ARHGEF6: variants seen among roughly 807,000 people sequenced by gnomAD.
ARHGEF6 encodes rho guanine nucleotide exchange factor 6.
A neutral mutation model predicts 70.3 loss-of-function variants in ARHGEF6; 9 were observed. That is an observed-to-expected ratio of 0.13 (90% CI 0.08 to 0.22). ARHGEF6 has a LOEUF of 0.22. ARHGEF6 is among the 10% of genes least tolerant of loss of function. The pLI is 1.00. For synonymous variants in ARHGEF6, 201 were observed against 207.8 expected, an observed-to-expected ratio of 0.97 and a Z score of 0.28; for missense variants, 470 against 563.0, an observed-to-expected ratio of 0.83 and a Z score of 1.67.
chrX:136,742,058 C>T (rs924738974), intron 5 of ARHGEF6, among the ~76,000 whole-genome samples: 6 of 111,906 alleles, frequency 5.4e-5, no homozygotes, highest in African/African-American at 1.3e-4. Context: ...CAGTGGCTCA[C>T]GCCTGTAATC....
intron 2 of ARHGEF6, 42 bp downstream of exon 2, chrX:136,779,372 A>C: frequency 8.8e-7 from 1 of 1,132,778 alleles, no homozygotes. Flanking sequence ...TAGCAGAGCA[A>C]AAAAACGATG....
intron 18 of ARHGEF6, among the ~76,000 whole-genome samples, chrX:136,675,800 A>T (rs770587618): frequency 9.0e-6 from 1 of 111,048 alleles, no homozygotes; most frequent in Non-Finnish European, 1.9e-5. Context: ...GATTACAGGC[A>T]TGAGCCACCG....
At chrX:136,771,552 T>C (rs189060364) in intron 2 of ARHGEF6, among the ~76,000 whole-genome samples, 1 of 112,403 alleles carries the variant, frequency 8.9e-6, no homozygotes, top group African/African-American at 3.2e-5. Context: ...TTTGGACCCG[T>C]ACCTCCTACC....
chrX:136,764,454 T>C (rs771690661), intron 2 of ARHGEF6, among the ~76,000 whole-genome samples: 23 of 112,235 alleles, frequency 2.0e-4, no homozygotes, highest in African/African-American at 7.4e-4. Context: ...AGAAAAAAAG[T>C]GAACCACTAC....
intron 12 of ARHGEF6, among the ~76,000 whole-genome samples, chrX:136,685,012 C>T (rs2076370263): frequency 8.9e-6 from 1 of 111,873 alleles, no homozygotes; most frequent in Non-Finnish European, 1.9e-5. Flanking sequence ...ACTACTCTTG[C>T]CTGATGTCAA....
chrX:136,676,738 T>TAATGAATTAA, intron 17 of ARHGEF6, 21 bp from the exon 18 acceptor site: 1 of 1,088,174 alleles, frequency 9.2e-7, no homozygotes, highest in Middle Eastern at 2.5e-4. Context: ...AGAGGTTTCT[T>TAATGAATTAA]AATGAATTAA....
intron 2 of ARHGEF6, among the ~76,000 whole-genome samples, chrX:136,748,849 G>A (rs1288743868): frequency 2.7e-5 from 3 of 111,588 alleles, no homozygotes; most frequent in Non-Finnish European, 5.7e-5. Context: ...TATCTTTTTT[G>A]TACATGTTCT....
chrX:136,780,582 G>A (rs2077439684), intron 1 of ARHGEF6, 136 bp downstream of exon 1: 2 of 641,801 alleles, frequency 3.1e-6, no homozygotes, highest in Non-Finnish European at 2.5e-6. Flanking sequence ...AAAACAGTAA[G>A]AAAGAATGTC....
chrX:136,767,582 G>A lies in ARHGEF6; in HGVS notation c.249+11832C>T. 3 of 754,715 alleles carry A rather than the reference G, an allele frequency of 4.0e-6. No homozygotes were observed. The South Asian group carries it at 2.0e-4, about 51-fold the overall frequency. The allele number at this position is 754,715 out of a possible 1,213,427, so 62.2% of individuals were successfully genotyped here. On this transcript the variant is annotated intron_variant, in intron 2 of 21. Coordinates refer to ENST00000250617, the MANE Select transcript of ARHGEF6 (RefSeq NM_004840.3). ...GCCGAACTGGGGGTGCCGGAGGCGC[G>A]CCCCGCTGGGTGCGCTGGCTGCGAG...
chrX:136,758,056 TTTTTTTTTTTTTG>T (rs2077227546), intron 2 of ARHGEF6, among the ~76,000 whole-genome samples: 1 of 61,762 alleles, frequency 1.6e-5, no homozygotes, highest in Admixed American at 2.0e-4. Context: ...TTTTTTTTTT[TTTTTTTTTTTTTG>T]GGACGGAGTC....
chrX:136,755,494 A>T (rs2077196636), intron 2 of ARHGEF6, among the ~76,000 whole-genome samples: 1 of 111,496 alleles, frequency 9.0e-6, no homozygotes, highest in African/African-American at 3.3e-5. Context: ...CCTAGCAGCT[A>T]CTAAGATTTA....
At chrX:136,743,329 T>A (rs954543204) in intron 5 of ARHGEF6, among the ~76,000 whole-genome samples, 1 of 112,280 alleles carries the variant, frequency 8.9e-6, no homozygotes, top group African/African-American at 3.2e-5. Context: ...GGGATACAGT[T>A]AGGGTGGACC....
chrX:136,779,819 G>A (rs1419423551), intron 1 of ARHGEF6, among the ~76,000 whole-genome samples: 1 of 111,615 alleles, frequency 9.0e-6, no homozygotes, highest in Non-Finnish European at 1.9e-5. Flanking sequence ...TTCAAGAAAG[G>A]AAGCAATCCC....
intron 13 of ARHGEF6, 88 bp from the exon 14 acceptor site, chrX:136,682,056 CA>C (rs2076338277): frequency 1.4e-6 from 1 of 706,357 alleles, no homozygotes. Context: ...CTCAGCAAGG[CA>C]AAACTATGGC....
At chrX:136,690,483 T>A in intron 10 of ARHGEF6, 127 bp downstream of exon 10, 1 of 748,739 alleles carries the variant, frequency 1.3e-6, no homozygotes, top group Non-Finnish European at 2.0e-6. Flanking sequence ...GAAGAACAGA[T>A]AAAGTAAATT....
rs745917780 is a variant in ARHGEF6 at position 136,681,529 on chromosome X, A to G, written c.1558+361T>C. On this transcript the variant is annotated intron_variant, in intron 14 of 21. Coordinates refer to ENST00000250617, the MANE Select transcript of ARHGEF6 (RefSeq NM_004840.3). ...CCAAATCTTACTAACTCATGGGCTG[A>G]TGATAAAATTGCTGATAAAAGTCCA... is the stretch of plus-strand genomic sequence containing the variant. 6.2e-5 allele frequency among the ~76,000 whole-genome samples: 7 copies of G among 112,669 alleles called. No individual in the cohort carries two copies. The South Asian group carries it at 2.6e-3, about 41-fold the overall frequency.
At position 136,743,706 on chromosome X, in the gene ARHGEF6, T is replaced by C. The variant is rs61758710; in HGVS notation, c.540A>G (p.Ser180=). 1,326 of 1,210,199 alleles carry C rather than the reference T, an allele frequency of 1.1e-3. No homozygotes were observed. The highest frequency in any genetic ancestry group is 1.0e-3 in the Non-Finnish European group (893 of 895,104). Residue 180 remains serine (S), a synonymous_variant, in exon 5 of 22, where the codon TCA becomes TCG. Transcript: ENST00000250617. ...NFKQTNEDEL[S]VCKGDIIYVT... ...CGTAAATGATGTCCCCCTTACAAACTGACAGTTCATCCTCATTAGTCTGCT... is the reference window on the plus strand; with the variant it reads ...CGTAAATGATGTCCCCCTTACAAACCGACAGTTCATCCTCATTAGTCTGCT...
In ARHGEF6 at chrX:136,675,576, C is replaced by T. The variant is rs746224255; in HGVS notation, c.1946-480G>A. Among the ~76,000 whole-genome samples, 452 of 109,976 alleles carry T rather than the reference C, an allele frequency of 4.1e-3. 1 individual carries two copies. Among genetic ancestry groups the T allele is most frequent in the Non-Finnish European group, 6.3e-3 (333 of 52,593 alleles). ...TCTTGCCCAGGCTGGAGTGCAGTGG[C>T]GCGATCTCGGCTCACTGCAAGCTCC... is the stretch of plus-strand genomic sequence containing the variant. On this transcript the variant is annotated intron_variant, in intron 18 of 21. Transcript: ENST00000250617.
rs149389173 is a variant in ARHGEF6, at chrX:136,668,204, G to T, written c.2191-35C>A. 56 of 1,205,884 alleles carry T rather than the reference G, an allele frequency of 4.6e-5. No individual in the cohort carries two copies. The East Asian group carries it at 1.6e-3, about 35-fold the overall frequency. On this transcript the variant is annotated intron_variant, in intron 21 of 21. Transcript: ENST00000250617. ...GGAAAGATTTGTTGATTATCAAACA[G>T]AGGGGGGCCCTTCCAAGGGCTCCTC...
Sources: gnomAD v4.1 joint callset for allele counts (sites outside exome capture counted in the v4.1 genomes callset) on GRCh38, gnomAD v4.1.1 for gene constraint, MANE v1.5 for transcripts, NCBI Gene and HGNC (gene_info 2026-07-23, HGNC 2026-07-21) for gene names.